Variants in SLC9A9 observed in about 807,000 individuals in gnomAD.
SLC9A9 encodes sodium/hydrogen exchanger 9.
In SLC9A9, 62 loss-of-function variants were observed where a neutral mutation model predicts 77.8. The ratio of observed to expected loss-of-function variants is 0.80; its 90% confidence interval spans 0.65 to 0.98. SLC9A9 has a LOEUF of 0.98. Among genes scored for constraint, SLC9A9 ranks in the 50% least tolerant of loss-of-function variants. The pLI is 0.00. For missense variants in SLC9A9, 775 were observed against 774.9 expected (o/e 1.00, Z 0.00); for synonymous variants, 320 against 283.5 (o/e 1.13, Z -1.29).
intron 9 of SLC9A9, chr3:143,518,354 T>G: frequency 1.6e-6 from 1 of 626,860 alleles, no homozygotes; most frequent in South Asian, 1.9e-5. Context: ...TAATATTATT[T>G]GTTATCTATT....
Position 143,641,584 on chromosome 3 carries a change from A to G in SLC9A9, c.755+10671T>C, listed in dbSNP as rs558438227. 2.1e-4 allele frequency among the ~76,000 whole-genome samples: 32 copies of G among 151,672 alleles called. No individual in the cohort carries two copies. The South Asian group carries it at 2.5e-3, about 12-fold the overall frequency. On this transcript the variant is annotated intron_variant, in intron 6 of 15. Coordinates refer to ENST00000316549, the MANE Select transcript of SLC9A9 (RefSeq NM_173653.4). Reference sequence around the variant, plus strand: ...AATTTTTTGTATTTTTAGTAGAGACAGGGTTTCACCATGTTAGCCAGGATG... The same window carrying G: ...AATTTTTTGTATTTTTAGTAGAGACGGGGTTTCACCATGTTAGCCAGGATG...
intron 5 of SLC9A9, among the ~76,000 whole-genome samples, chr3:143,685,805 G>T (rs140662754): frequency 6.6e-6 from 1 of 152,094 alleles, no homozygotes; most frequent in Admixed American, 6.6e-5. Context: ...AAAAACACAC[G>T]ATTATAACTG....
intron 9 of SLC9A9, among the ~76,000 whole-genome samples, chr3:143,532,974 GC>G (rs2036537479): frequency 6.6e-6 from 1 of 152,126 alleles, no homozygotes; most frequent in African/African-American, 2.4e-5. Context: ...TTGTTATATA[GC>G]CCCAGAGAAC....
At chr3:143,477,742 C>T (rs1453162153) in intron 11 of SLC9A9, among the ~76,000 whole-genome samples, 2 of 152,096 alleles carry the variant, frequency 1.3e-5, no homozygotes, top group African/African-American at 4.8e-5. Flanking sequence ...TGCAATGTGT[C>T]TCTGTAGAAT....
chr3:143,711,576 A>C (rs1182042084), intron 4 of SLC9A9, among the ~76,000 whole-genome samples: 1 of 137,860 alleles, frequency 7.3e-6, no homozygotes, highest in Non-Finnish European at 1.5e-5. Flanking sequence ...ATTTAAAAAA[A>C]AAATTTTTTT....
At chr3:143,647,129 T>G (rs2038720307) in intron 6 of SLC9A9, among the ~76,000 whole-genome samples, 2 of 152,182 alleles carry the variant, frequency 1.3e-5, no homozygotes. Context: ...GATTTAGGTG[T>G]TTTATGTTTA....
At chr3:143,335,410 A>G (rs1480285123) in intron 14 of SLC9A9, among the ~76,000 whole-genome samples, 2 of 152,204 alleles carry the variant, frequency 1.3e-5, no homozygotes. Flanking sequence ...TTTTACAGAA[A>G]TAGAAAAAGA....
chr3:143,399,093 C>A (rs2033794026), intron 12 of SLC9A9, among the ~76,000 whole-genome samples: 2 of 151,774 alleles, frequency 1.3e-5, no homozygotes, highest in Non-Finnish European at 2.9e-5. Flanking sequence ...AAACTTCTTC[C>A]CTAGTCTCAG....
intron 9 of SLC9A9, among the ~76,000 whole-genome samples, chr3:143,509,334 C>T (rs2036077131): frequency 6.6e-6 from 1 of 152,022 alleles, no homozygotes; most frequent in Non-Finnish European, 1.5e-5. Context: ...TTAACTTGTT[C>T]CTTTGTAATG....
chr3:143,455,048 T>C lies in SLC9A9; in HGVS notation c.1469+11989A>G, dbSNP rs138879437. Among the ~76,000 whole-genome samples the C allele has an allele frequency of 1.5e-3, 234 of 152,338 alleles. 1 individual carries two copies. Among genetic ancestry groups the C allele is most frequent in the African/African-American group, 5.6e-3 (232 of 41,582 alleles). Reference sequence around the variant, plus strand: ...GTCATATTAAGATAATCCATCATATTTGCAGTTCCAAGGATTATGCAAGTC... The same window carrying C: ...GTCATATTAAGATAATCCATCATATCTGCAGTTCCAAGGATTATGCAAGTC... On this transcript the variant is annotated intron_variant, in intron 12 of 15. Transcript: ENST00000316549.
intron 4 of SLC9A9, among the ~76,000 whole-genome samples, chr3:143,758,097 A>G (rs1374559077): frequency 6.6e-6 from 1 of 152,182 alleles, no homozygotes; most frequent in Non-Finnish European, 1.5e-5. Flanking sequence ...TGGCCTCTAA[A>G]TAAAGGTAAA....
chr3:143,735,029 A>C (rs928805266), intron 4 of SLC9A9, among the ~76,000 whole-genome samples: 11 of 152,210 alleles, frequency 7.2e-5, no homozygotes, highest in African/African-American at 2.7e-4. Context: ...AGAAATGAGA[A>C]TAATTAGCAT....
At chr3:143,681,544 T>G (rs1443138391) in intron 5 of SLC9A9, among the ~76,000 whole-genome samples, 1 of 152,380 alleles carries the variant, frequency 6.6e-6, no homozygotes, top group Admixed American at 6.5e-5. Context: ...AGACAGCTTA[T>G]ATTCTAGGCA....
At chr3:143,489,130 A>G (rs1208241247) in intron 11 of SLC9A9, among the ~76,000 whole-genome samples, 1 of 151,954 alleles carries the variant, frequency 6.6e-6, no homozygotes, top group Non-Finnish European at 1.5e-5. Flanking sequence ...AAATAATTCC[A>G]TTCACAATAG....
chr3:143,314,935 G>A (rs977151757), intron 14 of SLC9A9, among the ~76,000 whole-genome samples: 8 of 152,204 alleles, frequency 5.3e-5, no homozygotes, highest in African/African-American at 1.9e-4. Flanking sequence ...GTAACTGATG[G>A]GCTGCTGGAC....
chr3:143,334,019 T>C (rs950381354), intron 14 of SLC9A9, among the ~76,000 whole-genome samples: 1 of 152,210 alleles, frequency 6.6e-6, no homozygotes, highest in Non-Finnish European at 1.5e-5. Context: ...TAATTTTGTA[T>C]TTGAAAAAAT....
chr3:143,548,581 C>A (rs143533332), intron 9 of SLC9A9, among the ~76,000 whole-genome samples: 1 of 152,148 alleles, frequency 6.6e-6, no homozygotes, highest in African/African-American at 2.4e-5. Context: ...TGCATATGTT[C>A]ATATACTCTT....
intron 8 of SLC9A9, among the ~76,000 whole-genome samples, chr3:143,561,849 C>T (rs1235301820): frequency 6.6e-6 from 1 of 152,174 alleles, no homozygotes; most frequent in Admixed American, 6.5e-5. Flanking sequence ...AATACAGCAA[C>T]ATTTCCTATT....
chr3:143,834,571 C>CTT (rs5853131), intron 1 of SLC9A9, among the ~76,000 whole-genome samples: 90,445 of 116,902 alleles, frequency 0.77, 38,002 homozygotes, highest in South Asian at 0.93. Context: ...GCGAGGCACT[C>CTT]TTTTTTTTTT....
Sources: gnomAD v4.1 joint callset for allele counts (sites outside exome capture counted in the v4.1 genomes callset) on GRCh38, gnomAD v4.1.1 for gene constraint, MANE v1.5 for transcripts, NCBI Gene and HGNC (gene_info 2026-07-23, HGNC 2026-07-21) for gene names.